Variants in MN1 observed in about 807,000 individuals in gnomAD.
MN1 encodes MN1 proto-oncogene, transcriptional regulator.
MN1 carries 19 observed loss-of-function variants against 86.9 expected under a neutral mutation model. The ratio of observed to expected loss-of-function variants is 0.22; its 90% CI spans 0.15 to 0.32. The LOEUF (loss-of-function observed/expected upper bound fraction) is 0.32. Ranked by LOEUF, MN1 falls within the 10% of genes least tolerant of loss-of-function variation. The pLI is 1.00. For missense variants in MN1, 1,841 were observed against 1,862.0 expected (o/e 0.99, Z 0.21); for synonymous variants, 928 against 849.6 (o/e 1.09, Z -1.60).
At chr22:27,775,641 C>T (rs1932967891) in intron 1 of MN1, among the ~76,000 whole-genome samples, 1 of 152,216 alleles carries the variant, frequency 6.6e-6, no homozygotes. Context: ...CCGCTTCACA[C>T]TCTCCTAGGT....
chr22:27,776,074 G>C (rs1303132876), intron 1 of MN1, among the ~76,000 whole-genome samples: 1 of 152,202 alleles, frequency 6.6e-6, no homozygotes, highest in Admixed American at 6.5e-5. Context: ...AATTTTTTAA[G>C]ACCTAGAAGG....
Position 27,749,216 on chromosome 22 carries a change from C to T in MN1, c.*1699G>A, listed in dbSNP as rs1271697347. The T allele has an allele frequency of 1.3e-5, 3 of 230,414 alleles. No individual in the cohort carries two copies. Among genetic ancestry groups the T allele is most frequent in the Non-Finnish European group, 1.7e-5 (2 of 116,398 alleles). 14.3% of individuals were successfully genotyped at this position (230,414 alleles called of 1,614,324 possible). A position where few individuals can be genotyped will look rare whatever the true frequency, so the allele number is the denominator to read the frequency against. On this transcript the variant is annotated 3_prime_UTR_variant, in exon 2 of 2. Coordinates refer to ENST00000302326, the MANE Select transcript of MN1 (RefSeq NM_002430.3). ...AAGAGTGAGGTTTTTCTGAAAGCTC[C>T]TCTCCCTTCGCTGAAAAGTTCTTTG...
chr22:27,753,784 G>A (rs1219314971), intron 1 of MN1, among the ~76,000 whole-genome samples: 2 of 152,174 alleles, frequency 1.3e-5, no homozygotes, highest in East Asian at 3.9e-4. Flanking sequence ...CCTGGATTCT[G>A]GCAATACTGA....
intron 1 of MN1, among the ~76,000 whole-genome samples, chr22:27,777,201 C>A (rs1299157070): frequency 6.6e-6 from 1 of 152,196 alleles, no homozygotes; most frequent in Admixed American, 6.5e-5. Context: ...AATGGGTTTG[C>A]TCACCATAGC....
intron 1 of MN1, among the ~76,000 whole-genome samples, chr22:27,771,219 CTT>C (rs11330963): frequency 3.5e-4 from 30 of 86,642 alleles, no homozygotes; most frequent in Middle Eastern, 7.2e-3. Context: ...TTTTCCCTAA[CTT>C]TTTTTTTTTT....
intron 1 of MN1, among the ~76,000 whole-genome samples, chr22:27,759,053 C>T (rs1263649931): frequency 3.9e-5 from 6 of 152,262 alleles, no homozygotes; most frequent in East Asian, 1.9e-4. Flanking sequence ...GTCTCGAACT[C>T]GTGAGCTCAA....
In MN1 at chr22:27,797,171, C is replaced by T. The variant is rs1287491905; in HGVS notation, c.3373G>A (p.Gly1125Ser). The T allele has an allele frequency of 6.4e-7, 1 of 1,560,262 alleles. No homozygotes were observed. Among genetic ancestry groups the T allele is most frequent in the South Asian group, 1.2e-5 (1 of 86,276 alleles). ...PDSYGGGGGP[G>S]HPGTPGLEQV... ...TCCAGGCCCGGAGTGCCCGGATGGCCCGGGCCCCCACCGCCGCCGTAGCTG... is the reference window on the plus strand; with the variant it reads ...TCCAGGCCCGGAGTGCCCGGATGGCTCGGGCCCCCACCGCCGCCGTAGCTG... The change falls in exon 1 of 2, where the codon GGC becomes AGC. Residue 1125 changes from glycine (G) to serine (S), a missense_variant. Transcript: ENST00000302326.
In MN1 at chr22:27,800,816, G is replaced by A; in HGVS notation, c.-273C>T. 1.9e-6 allele frequency: 1 copy of A among 533,948 alleles called. No individual in the cohort carries two copies. Among genetic ancestry groups the A allele is most frequent in the Non-Finnish European group, 3.3e-6 (1 of 302,330 alleles). The allele number at this position is 533,948 out of a possible 1,614,324, so 33.1% of individuals were successfully genotyped here. On this transcript the variant is annotated 5_prime_UTR_variant, in exon 1 of 2. Transcript: ENST00000302326. The stretch of plus-strand genomic sequence containing the variant: ...AGCCGTGTTGGGGGGCCCATGCCCC[G>A]GGCGGTTGTCACAGCCGCGGGTGGG...
rs1272159359 is a variant in MN1 at position 27,750,267 on chromosome 22, C to T, written c.*648G>A. 4.3e-6 allele frequency: 1 copy of T among 230,468 alleles called. No homozygotes were observed. Among genetic ancestry groups the T allele is most frequent in the Non-Finnish European group, 8.6e-6 (1 of 116,374 alleles). 14.3% of individuals were successfully genotyped at this position (230,468 alleles called of 1,614,324 possible). On this transcript the variant is annotated 3_prime_UTR_variant, in exon 2 of 2. Coordinates refer to ENST00000302326, the MANE Select transcript of MN1 (RefSeq NM_002430.3). ...AATGAAAATATATTTTCTTAGGGAA[C>T]AGACAAAACAAAATCCCAGGCGGAA...
At position 27,797,088 on chromosome 22, in the gene MN1, G is replaced by A; in HGVS notation, c.3456C>T (p.Pro1152=). ...GGATCTGCGCCTGAAGGATCTCCAG[G>A]GGGTGGATCTCGTCGGGTGGCGGGG... ...SGAPPPDEIH[P]LEILQAQIQL... The change falls in exon 1 of 2, where the codon CCC becomes CCT. Residue 1152 remains proline, a synonymous_variant. Transcript: ENST00000302326. The A allele has an allele frequency of 1.2e-6, 2 of 1,610,192 alleles. No homozygotes were observed. The highest frequency in any genetic ancestry group is 1.7e-4 in the Middle Eastern group (1 of 6,060).
intron 1 of MN1, among the ~76,000 whole-genome samples, chr22:27,777,547 AAG>A (rs956066758): frequency 8.6e-6 from 1 of 116,724 alleles, no homozygotes; most frequent in Non-Finnish European, 1.7e-5. Flanking sequence ...AAAAAAAAAA[AAG>A]AGAGAGAGAA....
rs1242085400 is a variant in MN1 at position 27,750,113 on chromosome 22, A to G, written c.*802T>C. The G allele has an allele frequency of 1.3e-5, 3 of 232,054 alleles. No individual in the cohort carries two copies. The highest frequency in any genetic ancestry group is 2.6e-5 in the Non-Finnish European group (3 of 117,382). 14.4% of individuals were successfully genotyped at this position (232,054 alleles called of 1,614,324 possible). On this transcript the variant is annotated 3_prime_UTR_variant, in exon 2 of 2. Coordinates refer to ENST00000302326, the MANE Select transcript of MN1 (RefSeq NM_002430.3). Reference sequence around the variant, plus strand: ...AGGAGAGAAAACACTGCTGTCGAACATTCCAACTCCTTCCCACAGAGCAGA... The same window carrying G: ...AGGAGAGAAAACACTGCTGTCGAACGTTCCAACTCCTTCCCACAGAGCAGA...
intron 1 of MN1, among the ~76,000 whole-genome samples, chr22:27,792,420 A>G (rs1398933133): frequency 1.3e-5 from 2 of 151,276 alleles, no homozygotes; most frequent in Non-Finnish European, 2.9e-5. Context: ...CAGAAAACCC[A>G]GTGGTAGAAA....
Position 27,799,918 on chromosome 22 carries a change from G to A in MN1, c.626C>T (p.Ser209Phe). 6.2e-7 allele frequency: 1 copy of A among 1,603,320 alleles called. No homozygotes were observed. Among genetic ancestry groups the A allele is most frequent in the Non-Finnish European group, 8.5e-7 (1 of 1,175,992 alleles). Residue 209 changes from serine (S) to phenylalanine (F), a missense_variant, in exon 1 of 2, where the codon TCC (serine) becomes TTC (phenylalanine). By Grantham distance (155) the Ser-to-Phe change is radical. Transcript: ENST00000302326. ...CAGACTGTGGGAATCGGAGCCGCTG[G>A]AGGACGGCAGGCCGTGGAAGGAGGC... ...RAASFHGLPS[S>F]SGSDSHSLEP... is the part of the protein sequence containing the mutation.
chr22:27,798,755 C>T lies in MN1; in HGVS notation c.1789G>A (p.Gly597Ser), dbSNP rs1333315317. ...CGCTCAAAGTTCGGCTGGGCCAAGC[C>T]GCCCACCGGGCCGCCATGCACCAGG... ...GGLVHGGPVG[G>S]LAQPNFEREG... Residue 597 changes from glycine (G) to serine (S), a missense_variant, in exon 1 of 2, where the codon GGC becomes AGC. Transcript: ENST00000302326. 4 of 1,534,570 alleles carry T rather than the reference C, an allele frequency of 2.6e-6. No homozygotes were observed. In the South Asian group the frequency reaches 3.6e-5, roughly 14 times the overall value.
chr22:27,754,757 G>A (rs1007618430), intron 1 of MN1, among the ~76,000 whole-genome samples: 5 of 152,150 alleles, frequency 3.3e-5, no homozygotes, highest in African/African-American at 7.2e-5. Context: ...CCTTGAGGCG[G>A]TAAGCACGCC....
intron 1 of MN1, among the ~76,000 whole-genome samples, chr22:27,790,881 C>T (rs1361822927): frequency 1.3e-5 from 2 of 152,164 alleles, no homozygotes; most frequent in Non-Finnish European, 2.9e-5. Flanking sequence ...GCCCGGGAGG[C>T]TGAGATTTCG....
In MN1 at chr22:27,797,622, C is replaced by T; in HGVS notation, c.2922G>A (p.Val974=). Residue 974 remains valine, a synonymous_variant, in exon 1 of 2, where the codon GTG becomes GTA. Transcript: ENST00000302326. The part of the protein sequence containing the change: ...AAPDSGGAPG[V]SPGQQQASGA... ...CTGACGCTTGCTGCTGCCCTGGGCTCACCCCAGGTGCGCCCCCGCTGTCCG... is the reference window on the plus strand; with the variant it reads ...CTGACGCTTGCTGCTGCCCTGGGCTTACCCCAGGTGCGCCCCCGCTGTCCG... 1.3e-6 allele frequency: 2 copies of T among 1,594,068 alleles called. No individual in the cohort carries two copies. The highest frequency in any genetic ancestry group is 1.7e-6 in the Non-Finnish European group (2 of 1,170,134).
At chr22:27,784,409 A>G (rs1424736840) in intron 1 of MN1, among the ~76,000 whole-genome samples, 1 of 152,194 alleles carries the variant, frequency 6.6e-6, no homozygotes, top group Non-Finnish European at 1.5e-5. Context: ...CACAACCGCC[A>G]TTACCATCCG....
Sources: gnomAD v4.1 joint callset for allele counts (sites outside exome capture counted in the v4.1 genomes callset) on GRCh38, gnomAD v4.1.1 for gene constraint, MANE v1.5 for transcripts, NCBI Gene and HGNC (gene_info 2026-07-23, HGNC 2026-07-21) for gene names.